Variants in UBR4 observed in about 807,000 individuals in gnomAD.
UBR4 encodes ubiquitin protein ligase E3 component n-recognin 4.
A neutral mutation model predicts 575.6 loss-of-function variants in UBR4; 124 were observed. The ratio of observed to expected loss-of-function variants is 0.22; its 90% confidence interval spans 0.19 to 0.25. The LOEUF (loss-of-function observed/expected upper bound fraction) is 0.25. Ranked by LOEUF, UBR4 falls within the 10% of genes least tolerant of loss-of-function variation. UBR4 has a pLI of 1.00. For synonymous variants in UBR4, 2,455 were observed against 2,473.7 expected (o/e 0.99, Z 0.22); for missense variants, 4,818 against 6,478.8 (o/e 0.74, Z 8.80).
At chr1:19,132,756 G>C (rs949723822) in intron 60 of UBR4, among the ~76,000 whole-genome samples, 4 of 151,714 alleles carry the variant, frequency 2.6e-5, no homozygotes, top group African/African-American at 9.7e-5. Context: ...CAAAGAATAA[G>C]TTACTATTGT....
chr1:19,161,202 T>C, intron 37 of UBR4, 55 bp from the exon 38 acceptor site: 14 of 1,532,362 alleles, frequency 9.1e-6, no homozygotes, highest in Non-Finnish European at 1.3e-5. Context: ...ACAGAGGAAA[T>C]ACTGCCTGAG....
At chr1:19,082,222 G>A (rs1468566700) in intron 102 of UBR4, 2 of 179,968 alleles carry the variant, frequency 1.1e-5, no homozygotes, top group African/African-American at 4.7e-5. Flanking sequence ...TGATGATGAT[G>A]ACCACACCAG....
intron 22 of UBR4, 24 bp from the exon 23 acceptor site, chr1:19,173,645 G>T (rs77683714): frequency 0.013 from 20,314 of 1,612,052 alleles, 937 homozygotes; most frequent in African/African-American, 0.12. Flanking sequence ...AAGCAGCATA[G>T]AGGTAGCACT....
intron 17 of UBR4, among the ~76,000 whole-genome samples, chr1:19,182,311 A>G (rs1468350517): frequency 6.6e-6 from 1 of 151,768 alleles, no homozygotes; most frequent in Non-Finnish European, 1.5e-5. Flanking sequence ...TCTGGGGTAT[A>G]TAAGTAGAAT....
rs2079697395 is a variant in UBR4, at chr1:19,110,306, C to G, written c.11977+74G>C. 6.2e-7 allele frequency: 1 copy of G among 1,612,832 alleles called. No individual in the cohort carries two copies. Among genetic ancestry groups the G allele is most frequent in the Non-Finnish European group, 8.5e-7 (1 of 1,179,092 alleles). ...AGAGGCCGCCCAAGCATCAGTTTCC[C>G]TCCTCCCCTCCCAGTCCGGCCAGGA... On this transcript the variant is annotated intron_variant, in intron 80 of 105. Coordinates refer to ENST00000375254, the MANE Select transcript of UBR4 (RefSeq NM_020765.3). The surrounding 1 kb of genome is among the most constrained non-coding windows in gnomAD (Gnocchi z 4.5).
rs1193722669 is a variant in UBR4 at position 19,153,966 on chromosome 1, T to TA, written c.6459-28dup. 10 of 1,607,718 alleles carry TA rather than the reference T, an allele frequency of 6.2e-6. No homozygotes were observed. Among genetic ancestry groups the TA allele is most frequent in the South Asian group, 2.2e-5 (2 of 90,222 alleles). The stretch of plus-strand genomic sequence containing the variant: ...TGCAGACAACAAAACTGGCCACAGT[T>TA]AGAGTGTCAGTCACCATTTAATAGT... On this transcript the variant is annotated intron_variant, in intron 44 of 105. Transcript: ENST00000375254. The surrounding 1 kb of genome is among the most constrained non-coding windows in gnomAD (Gnocchi z 4.1).
intron 81 of UBR4, among the ~76,000 whole-genome samples, chr1:19,108,888 G>A (rs759253325): frequency 1.4e-4 from 22 of 152,282 alleles, no homozygotes; most frequent in East Asian, 1.9e-4. Flanking sequence ...GTCCTTACAG[G>A]GCAAGTAATT....
intron 103 of UBR4, chr1:19,079,678 T>TC (rs1228181913): frequency 6.6e-6 from 1 of 152,382 alleles, no homozygotes; most frequent in African/African-American, 2.4e-5. Flanking sequence ...ATGATATCTC[T>TC]ACACGCCCTT....
chr1:19,156,265 C>G lies in UBR4; in HGVS notation c.6072+6G>C. 6.2e-7 allele frequency: 1 copy of G among 1,613,962 alleles called. No homozygotes were observed. Among genetic ancestry groups the G allele is most frequent in the Non-Finnish European group, 8.5e-7 (1 of 1,179,904 alleles). ...GGACCATATCATCAAAGAACTGTAA[C>G]TGTACCTTAACAAAGTCTGCGGTGA... On this transcript the variant is annotated splice_donor_region_variant and intron_variant, in intron 42 of 105. Coordinates refer to ENST00000375254, the MANE Select transcript of UBR4 (RefSeq NM_020765.3).
chr1:19,156,947 T>C, intron 40 of UBR4, 22 bp from the exon 41 acceptor site: 1 of 1,608,386 alleles, frequency 6.2e-7, no homozygotes, highest in Non-Finnish European at 8.5e-7. Context: ...CAATGACTAA[T>C]TTATTCCTAC....
intron 78 of UBR4, 64 bp downstream of exon 78, chr1:19,112,460 T>C: frequency 6.6e-7 from 1 of 1,526,312 alleles, no homozygotes; most frequent in Non-Finnish European, 8.9e-7. Context: ...TCTCTAACGC[T>C]CCTGGCATGG....
chr1:19,086,403 T>C (rs760241917), intron 100 of UBR4, 133 bp from the exon 101 acceptor site: 182 of 1,294,598 alleles, frequency 1.4e-4, no homozygotes, highest in Non-Finnish European at 1.8e-4. Context: ...CTCCTGACCC[T>C]GCGAAGAGAA....
intron 44 of UBR4, 126 bp from the exon 45 acceptor site, chr1:19,154,065 G>T: frequency 9.5e-7 from 1 of 1,051,140 alleles, no homozygotes; most frequent in Non-Finnish European, 1.4e-6. Flanking sequence ...CAGGGACTCA[G>T]ATTATCCACA....
intron 51 of UBR4, 143 bp from the exon 52 acceptor site, chr1:19,147,143 G>C (rs570375378): frequency 1.3e-6 from 1 of 766,236 alleles, no homozygotes; most frequent in African/African-American, 1.8e-5. Flanking sequence ...ACCTACAACA[G>C]ATCTTCAAAG....
At chr1:19,198,761 G>A (rs746700977) in intron 4 of UBR4, 38 bp downstream of exon 4, 2 of 1,613,092 alleles carry the variant, frequency 1.2e-6, no homozygotes, top group East Asian at 2.2e-5. Flanking sequence ...GTGCCATGGG[G>A]GTGGTCATGT....
chr1:19,155,590 A>C lies in UBR4; in HGVS notation c.6151T>G (p.Phe2051Val). The C allele has an allele frequency of 6.2e-7, 1 of 1,614,190 alleles. No homozygotes were observed. Residue 2051 changes from phenylalanine (F) to valine (V), a missense_variant, in exon 43 of 106, where the codon TTC becomes GTC. Coordinates refer to ENST00000375254, the MANE Select transcript of UBR4 (RefSeq NM_020765.3). ...LPSSKIRDVT[F>V]LFNEEGKNII... ...TTCTTTCCCTCCTCATTGAAAAGGA[A>C]GGTAACATCTCTTATCTTTGAGCTT... is the stretch of plus-strand genomic sequence containing the variant.
chr1:19,144,763 T>C, intron 54 of UBR4, 23 bp downstream of exon 54: 6 of 1,603,708 alleles, frequency 3.7e-6, no homozygotes, highest in Non-Finnish European at 5.1e-6. Flanking sequence ...CTGCGAGCTC[T>C]CTGGGATTGT....
Position 19,153,418 on chromosome 1 carries a change from G to A in UBR4, c.6715C>T (p.Leu2239=). The change falls in exon 46 of 106, where the codon CTG becomes TTG. Residue 2239 remains leucine (L), a synonymous_variant. Transcript: ENST00000375254. The surrounding 1 kb of genome is among the most constrained non-coding windows in gnomAD (Gnocchi z 4.1). ...TMILLCEDGS[L]RIYMANVENT... is the part of the protein sequence containing the mutation. Reference sequence around the variant, plus strand: ...TCCACGTTGGCCATGTAAATGCGCAGGCTGCCATCCTCACACAGCAGAATC... The same window carrying A: ...TCCACGTTGGCCATGTAAATGCGCAAGCTGCCATCCTCACACAGCAGAATC... 1 of 1,614,190 alleles carries A rather than the reference G, an allele frequency of 6.2e-7. No homozygotes were observed. Among genetic ancestry groups the A allele is most frequent in the Non-Finnish European group, 8.5e-7 (1 of 1,180,024 alleles).
chr1:19,165,305 A>G lies in UBR4; in HGVS notation c.4256T>C (p.Leu1419Pro). ...QIMMATANEN[L>P]SAKFCNRVLK... ...AACTCGGTTACAGAATTTAGCAGAG[A>G]GGTTCTCATTGGCTGTTGCCATCAT... The change falls in exon 31 of 106, where the codon CTC becomes CCC. Residue 1419 changes from leucine to proline, a missense_variant. Transcript: ENST00000375254. 6.2e-7 allele frequency: 1 copy of G among 1,614,202 alleles called. No individual in the cohort carries two copies. Among genetic ancestry groups the G allele is most frequent in the Non-Finnish European group, 8.5e-7 (1 of 1,180,028 alleles).
Sources: gnomAD v4.1 joint callset for allele counts (sites outside exome capture counted in the v4.1 genomes callset) on GRCh38, gnomAD v4.1.1 for gene constraint, Gnocchi (gnomAD v3.1) non-coding constraint, MANE v1.5 for transcripts, NCBI Gene and HGNC (gene_info 2026-07-23, HGNC 2026-07-21) for gene names.